The following PRKG1 variants were observed in gnomAD, a reference collection of about 807,000 sequenced individuals.
The protein encoded by PRKG1 is protein kinase cGMP-dependent 1.
PRKG1 carries 35 observed loss-of-function variants against 88.1 expected under a neutral mutation model. The ratio of observed to expected loss-of-function variants is 0.40; its 90% CI spans 0.30 to 0.53. The LOEUF (loss-of-function observed/expected upper bound fraction) is 0.53. PRKG1 is among the 20% of genes least tolerant of loss of function. The probability of loss-of-function intolerance (pLI) is 0.59; values close to 1 mark genes in which losing one functional copy is unlikely to be tolerated. For synonymous variants in PRKG1, 303 were observed against 292.5 expected, an observed-to-expected ratio of 1.04 and a Z score of -0.37; for missense variants, 540 against 839.8, an observed-to-expected ratio of 0.64 and a Z score of 4.41.
At chr10:51,130,341 G>A (rs1845533190) in intron 1 of PRKG1, among the ~76,000 whole-genome samples, 1 of 152,064 alleles carries the variant, frequency 6.6e-6, no homozygotes, top group African/African-American at 2.4e-5. Flanking sequence ...CTCTCTGACT[G>A]TGAGAATCCC....
intron 5 of PRKG1, among the ~76,000 whole-genome samples, chr10:51,992,399 TG>T (rs1403797670): frequency 6.6e-6 from 1 of 152,150 alleles, no homozygotes; most frequent in Non-Finnish European, 1.5e-5. Flanking sequence ...AAATCTTTAA[TG>T]TATTGTAAAA....
At chr10:52,258,805 A>T (rs994850535) in intron 10 of PRKG1, among the ~76,000 whole-genome samples, 5 of 152,108 alleles carry the variant, frequency 3.3e-5, no homozygotes, top group Non-Finnish European at 5.9e-5. Context: ...AAAATTATGC[A>T]GAAATGTTCT....
intron 3 of PRKG1, among the ~76,000 whole-genome samples, chr10:51,674,888 A>G (rs1298984045): frequency 6.6e-6 from 1 of 152,200 alleles, no homozygotes; most frequent in Non-Finnish European, 1.5e-5. Context: ...ATAAATATTA[A>G]TATGCGAGTT....
At chr10:51,305,571 G>A (rs768048838) in intron 2 of PRKG1, among the ~76,000 whole-genome samples, 49 of 152,108 alleles carry the variant, frequency 3.2e-4, no homozygotes, top group Admixed American at 7.9e-4. Flanking sequence ...CCTTGCAGAA[G>A]CCTTTCAATT....
At chr10:51,409,193 C>T (rs1490671423) in intron 2 of PRKG1, among the ~76,000 whole-genome samples, 1 of 152,188 alleles carries the variant, frequency 6.6e-6, no homozygotes, top group Non-Finnish European at 1.5e-5. Flanking sequence ...GTGGTGCCTG[C>T]ATATCGTGAA....
chr10:52,090,451 A>AG (rs34362694), intron 7 of PRKG1, among the ~76,000 whole-genome samples: 20,560 of 152,098 alleles, frequency 0.14, 1,892 homozygotes, highest in East Asian at 0.31. Context: ...TAAATAAGTG[A>AG]GAAGAGGTAA....
At chr10:51,113,767 G>T (rs888566396) in intron 1 of PRKG1, among the ~76,000 whole-genome samples, 3 of 134,136 alleles carry the variant, frequency 2.2e-5, no homozygotes, top group Non-Finnish European at 4.9e-5. Flanking sequence ...AAGAGGAAAA[G>T]TGAAAGCCTC....
At chr10:51,803,444 T>C (rs964248459) in intron 3 of PRKG1, among the ~76,000 whole-genome samples, 4 of 152,112 alleles carry the variant, frequency 2.6e-5, no homozygotes, top group East Asian at 3.9e-4. Context: ...CAATATTCAT[T>C]CCTCTTATCT....
At chr10:51,587,044 A>G (rs1838190795) in intron 3 of PRKG1, among the ~76,000 whole-genome samples, 1 of 152,160 alleles carries the variant, frequency 6.6e-6, no homozygotes, top group Non-Finnish European at 1.5e-5. Flanking sequence ...CCTCACTAAA[A>G]ATGGGTCTCA....
chr10:52,220,606 C>T (rs1840218966), intron 9 of PRKG1, among the ~76,000 whole-genome samples: 1 of 151,978 alleles, frequency 6.6e-6, no homozygotes, highest in Non-Finnish European at 1.5e-5. Flanking sequence ...GTGTGTTGTT[C>T]CCCTCTATGT....
chr10:52,117,164 CTGTGTG>C (rs71459438), intron 7 of PRKG1, among the ~76,000 whole-genome samples: 24,133 of 139,240 alleles, frequency 0.17, 2,338 homozygotes, highest in South Asian at 0.28. Context: ...TGTGAAATAT[CTGTGTG>C]TGTGTGTGTG....
At chr10:51,428,887 T>C (rs1838675252) in intron 2 of PRKG1, among the ~76,000 whole-genome samples, 1 of 152,162 alleles carries the variant, frequency 6.6e-6, no homozygotes. Context: ...CACCAAAAAT[T>C]AAACAGGGAG....
Position 51,236,628 on chromosome 10 carries a change from G to A in PRKG1, c.478+83298G>A, listed in dbSNP as rs1044704380. On this transcript the variant is annotated intron_variant, in intron 2 of 17. Transcript: ENST00000373980. The stretch of plus-strand genomic sequence containing the variant: ...AGCGATTCTCCTGGCTCAGCCTCCC[G>A]AGCAGCTGAGACTACAGGTGTGCGC... 5.3e-5 allele frequency among the ~76,000 whole-genome samples: 8 copies of A among 151,638 alleles called. No homozygotes were observed. In the East Asian group the frequency reaches 9.7e-4, roughly 18 times the overall value.
At chr10:51,369,845 G>A (rs761838646) in intron 2 of PRKG1, among the ~76,000 whole-genome samples, 5 of 151,714 alleles carry the variant, frequency 3.3e-5, no homozygotes, top group South Asian at 4.2e-4. Flanking sequence ...GAAAAAGAAC[G>A]CCCATGAAAA....
At chr10:51,887,219 A>T (rs1216856071) in intron 4 of PRKG1, among the ~76,000 whole-genome samples, 1 of 152,124 alleles carries the variant, frequency 6.6e-6, no homozygotes, top group Non-Finnish European at 1.5e-5. Flanking sequence ...GCCTGGCCTC[A>T]AGTGATCTCC....
rs1230902355 is a variant in PRKG1, at chr10:51,858,313, TATA to T, written c.699-49190_699-49188del. On this transcript the variant is annotated intron_variant, in intron 4 of 17. Coordinates refer to ENST00000373980, the MANE Select transcript of PRKG1 (RefSeq NM_006258.4). ...TATACATATGTATAATATATATATGTATAATATGTATTATATATAATATATATA... is the reference window on the plus strand; with the variant it reads ...TATACATATGTATAATATATATATGTATATGTATTATATATAATATATATA... Among the ~76,000 whole-genome samples, 10 of 14,660 alleles carry T rather than the reference TATA, an allele frequency of 6.8e-4. 5 individuals are homozygous for T. The highest frequency in any genetic ancestry group is 1.8e-3 in the Admixed American group (2 of 1,106). The allele number at this position is 14,660 out of a possible 152,430, so 9.6% of individuals were successfully genotyped here.
At chr10:51,843,466 T>G (rs1414071669) in intron 4 of PRKG1, among the ~76,000 whole-genome samples, 2 of 152,206 alleles carry the variant, frequency 1.3e-5, no homozygotes, top group African/African-American at 4.8e-5. Flanking sequence ...AGGCTTGTTT[T>G]CAACATTATG....
chr10:51,833,936 TA>T (rs1489082178), intron 4 of PRKG1, among the ~76,000 whole-genome samples: 1 of 152,198 alleles, frequency 6.6e-6, no homozygotes, highest in Non-Finnish European at 1.5e-5. Flanking sequence ...ATTTTACATA[TA>T]AGTGAGATCA....
intron 3 of PRKG1, among the ~76,000 whole-genome samples, chr10:51,477,147 G>A (rs1175725825): frequency 6.6e-6 from 1 of 151,678 alleles, no homozygotes; most frequent in Non-Finnish European, 1.5e-5. Flanking sequence ...TTGAATTTTA[G>A]ATCTGCACTG....
Sources: gnomAD v4.1 joint callset for allele counts (sites outside exome capture counted in the v4.1 genomes callset) on GRCh38, gnomAD v4.1.1 for gene constraint, MANE v1.5 for transcripts, NCBI Gene and HGNC (gene_info 2026-07-23, HGNC 2026-07-21) for gene names.